The following RAB31 variants were observed in gnomAD, a reference collection of about 807,000 sequenced individuals.
RAB31 encodes ras-related protein Rab-31.
Under a neutral mutation model 25.6 loss-of-function variants are expected in RAB31, and 21 were observed. That is an observed-to-expected ratio of 0.82 (90% CI 0.58 to 1.18). RAB31 has a LOEUF of 1.18. Ranked by LOEUF, RAB31 falls within the 50% of genes most tolerant of loss-of-function variation. The probability of loss-of-function intolerance (pLI) is 0.00; values close to 1 mark genes in which losing one functional copy is unlikely to be tolerated. For synonymous variants in RAB31, 87 were observed against 84.0 expected (o/e 1.04, Z -0.20); for missense variants, 196 against 250.1 (o/e 0.78, Z 1.46).
chr18:9,731,306 T>G (rs1259163068), intron 1 of RAB31, among the ~76,000 whole-genome samples: 1 of 152,246 alleles, frequency 6.6e-6, no homozygotes, highest in Non-Finnish European at 1.5e-5. Flanking sequence ...TAAGCTTCCC[T>G]TGGTCTTTTC....
chr18:9,802,033 AC>A (rs2068516363), intron 3 of RAB31, among the ~76,000 whole-genome samples: 1 of 152,236 alleles, frequency 6.6e-6, no homozygotes, highest in East Asian at 1.9e-4. Flanking sequence ...CCTTTGATAT[AC>A]ATTTTTTCTC....
chr18:9,772,585 C>T (rs902361308), intron 1 of RAB31, among the ~76,000 whole-genome samples: 12 of 152,058 alleles, frequency 7.9e-5, no homozygotes, highest in African/African-American at 9.7e-5. Context: ...GCCTGTTGGG[C>T]GAGTGAAGAA....
intron 5 of RAB31, among the ~76,000 whole-genome samples, chr18:9,819,929 C>T (rs1449988461): frequency 6.6e-6 from 1 of 151,974 alleles, no homozygotes; most frequent in Non-Finnish European, 1.5e-5. Context: ...CTTTCCTGAA[C>T]TCATTTATTA....
At chr18:9,774,698 C>T (rs905709738) in intron 1 of RAB31, among the ~76,000 whole-genome samples, 5 of 152,254 alleles carry the variant, frequency 3.3e-5, no homozygotes, top group South Asian at 4.1e-4. Flanking sequence ...ATTGGACCCT[C>T]GTCATAATCA....
At chr18:9,750,184 G>A (rs1021588438) in intron 1 of RAB31, among the ~76,000 whole-genome samples, 13 of 152,180 alleles carry the variant, frequency 8.5e-5, no homozygotes, top group African/African-American at 3.1e-4. Flanking sequence ...GAAGAAATGG[G>A]AAACACGCTG....
intron 2 of RAB31, among the ~76,000 whole-genome samples, chr18:9,783,892 G>T (rs2068418257): frequency 6.6e-6 from 1 of 152,178 alleles, no homozygotes; most frequent in Non-Finnish European, 1.5e-5. Context: ...CACATTGAAA[G>T]AGATTTGAAA....
At chr18:9,824,393 T>C (rs1443757852) in intron 5 of RAB31, among the ~76,000 whole-genome samples, 1 of 139,450 alleles carries the variant, frequency 7.2e-6, no homozygotes. Flanking sequence ...TGTGTGTGTG[T>C]AGATGTATGT....
At chr18:9,798,611 CTTATT>C (rs10531582) in intron 3 of RAB31, among the ~76,000 whole-genome samples, 38,109 of 150,946 alleles carry the variant, frequency 0.25, 4,778 homozygotes, top group South Asian at 0.35. Context: ...TTTTTTCTTT[CTTATT>C]TTATTTTATT....
At chr18:9,776,877 C>G (rs1181926307) in intron 2 of RAB31, among the ~76,000 whole-genome samples, 1 of 152,020 alleles carries the variant, frequency 6.6e-6, no homozygotes, top group African/African-American at 2.4e-5. Flanking sequence ...GTTGAGCATC[C>G]CTAATCCAAA....
At chr18:9,826,503 C>CCCCAA (rs74277317) in intron 5 of RAB31, among the ~76,000 whole-genome samples, 63,868 of 151,646 alleles carry the variant, frequency 0.42, 13,897 homozygotes, top group East Asian at 0.77. Context: ...GGCCTCTCTG[C>CCCCAA]CCCCTTTCAC....
intron 1 of RAB31, among the ~76,000 whole-genome samples, chr18:9,760,761 A>T (rs562201565): frequency 1.1e-4 from 17 of 152,246 alleles, no homozygotes; most frequent in African/African-American, 3.9e-4. Flanking sequence ...CCCGCTAAGG[A>T]CGCGTGGAAT....
intron 5 of RAB31, among the ~76,000 whole-genome samples, chr18:9,843,603 C>G (rs1374393485): frequency 1.3e-5 from 2 of 149,138 alleles, no homozygotes; most frequent in African/African-American, 2.5e-5. Flanking sequence ...TCATGCCAAA[C>G]TGCACAGAGA....
chr18:9,729,694 AT>A (rs1157002200), intron 1 of RAB31, among the ~76,000 whole-genome samples: 1 of 139,658 alleles, frequency 7.2e-6, no homozygotes, highest in Admixed American at 7.8e-5. Context: ...CTTTAATACC[AT>A]GTATTGATTA....
chr18:9,734,068 T>C (rs1283149706), intron 1 of RAB31, among the ~76,000 whole-genome samples: 1 of 105,764 alleles, frequency 9.5e-6, no homozygotes, highest in East Asian at 2.9e-4. Flanking sequence ...TGTCCAGTTA[T>C]GTGAGATGGA....
intron 2 of RAB31, among the ~76,000 whole-genome samples, chr18:9,791,145 G>T (rs2068457550): frequency 6.6e-6 from 1 of 152,112 alleles, no homozygotes; most frequent in Non-Finnish European, 1.5e-5. Context: ...ATGCAAGCAG[G>T]TTGGGACTTA....
In RAB31 at chr18:9,775,333, A is replaced by C; in HGVS notation, c.95A>C (p.Asp32Ala). ...IVCRFVQDHF[D>A]HNISPTIGAS... ...TGTCGATTTGTCCAGGATCACTTTG[A>C]CCACAACATCAGCCCTACTATTGGG... Residue 32 changes from aspartate to alanine, a missense_variant, in exon 2 of 7, where the codon GAC (aspartate) becomes GCC (alanine). By Grantham distance (126) the Asp-to-Ala change is moderately radical. Transcript: ENST00000578921. The C allele has an allele frequency of 6.2e-7, 1 of 1,613,824 alleles. No homozygotes were observed. The highest frequency in any genetic ancestry group is 2.2e-5 in the East Asian group (1 of 44,872).
Position 9,719,086 on chromosome 18 carries a change from A to T in RAB31, c.39+10642A>T, listed in dbSNP as rs181739536. 2.0e-3 allele frequency among the ~76,000 whole-genome samples: 297 copies of T among 151,236 alleles called. 3 individuals are homozygous for T. Among genetic ancestry groups the T allele is most frequent in the African/African-American group, 6.9e-3 (285 of 41,196 alleles). ...GGAGTTCGAGACCAGCCTGGCCAAC[A>T]TGGTGAAACCCCCTCTCTGCTAAAA... On this transcript the variant is annotated intron_variant, in intron 1 of 6. Coordinates refer to ENST00000578921, the MANE Select transcript of RAB31 (RefSeq NM_006868.4).
At chr18:9,774,211 A>C (rs1189730602) in intron 1 of RAB31, among the ~76,000 whole-genome samples, 1 of 151,896 alleles carries the variant, frequency 6.6e-6, no homozygotes, top group Non-Finnish European at 1.5e-5. Context: ...TTTTTCTCCT[A>C]CCTAAAGGGG....
At chr18:9,831,309 T>C (rs2068677318) in intron 5 of RAB31, among the ~76,000 whole-genome samples, 2 of 152,376 alleles carry the variant, frequency 1.3e-5, no homozygotes, top group South Asian at 4.1e-4. Flanking sequence ...GGTTTCTTTC[T>C]GTTGGCTCCC....
Sources: allele counts gnomAD v4.1 joint callset (sites outside exome capture counted in the v4.1 genomes callset), GRCh38; gene constraint gnomAD v4.1.1; transcripts MANE v1.5; gene names NCBI Gene and HGNC (gene_info 2026-07-23, HGNC 2026-07-21).